Variants in ABCA3 observed in about 807,000 individuals in gnomAD.
ABCA3 encodes the protein ATP binding cassette subfamily A member 3.
ABCA3 carries 88 observed loss-of-function variants against 172.8 expected under a neutral mutation model. The ratio of observed to expected loss-of-function variants is 0.51; its 90% CI spans 0.43 to 0.61. The LOEUF (loss-of-function observed/expected upper bound fraction) is 0.61, where lower values mean the gene tolerates loss of function less well. Among genes scored for constraint, ABCA3 ranks in the 20% least tolerant of loss-of-function variants. The pLI, the probability that ABCA3 is intolerant of heterozygous loss-of-function variation, is 0.00. For synonymous variants in ABCA3, 1,066 were observed against 983.8 expected (o/e 1.08, Z -1.56); for missense variants, 2,164 against 2,301.0 (o/e 0.94, Z 1.22).
intron 18 of ABCA3, among the ~76,000 whole-genome samples, chr16:2,294,531 T>A (rs979574366): frequency 6.6e-6 from 1 of 150,830 alleles, no homozygotes; most frequent in Non-Finnish European, 1.5e-5. Flanking sequence ...ACAAAAAAAA[T>A]AAAAAAACTA....
intron 7 of ABCA3, 70 bp downstream of exon 7, chr16:2,323,453 G>A: frequency 6.3e-7 from 1 of 1,590,234 alleles, no homozygotes; most frequent in Non-Finnish European, 8.6e-7. Flanking sequence ...GCAAAGTGGG[G>A]CTGCCCCCAT....
chr16:2,321,926 G>T (rs1299396774), intron 7 of ABCA3, among the ~76,000 whole-genome samples: 1 of 152,220 alleles, frequency 6.6e-6, no homozygotes, highest in Non-Finnish European at 1.5e-5. Context: ...ACAGCCGGGT[G>T]TGGTGGCTCA....
chr16:2,306,182 C>T (rs1265015588), intron 11 of ABCA3, among the ~76,000 whole-genome samples: 1 of 151,964 alleles, frequency 6.6e-6, no homozygotes, highest in African/African-American at 2.4e-5. Context: ...ACAAATTAGC[C>T]AGGTGTGGTG....
chr16:2,280,318 C>G (rs904745176), intron 28 of ABCA3, among the ~76,000 whole-genome samples: 11 of 152,258 alleles, frequency 7.2e-5, no homozygotes, highest in Non-Finnish European at 1.6e-4. Context: ...GCTTGTCCCC[C>G]CATGGGGCCT....
rs113464635 is a variant in ABCA3, at chr16:2,285,733, C to T, written c.3279-87G>A. ...GGTTCTCGGTTATGACCGCCCAAGGCATGCAGGGCAGCAGCCCAACCACTA... is the reference window on the plus strand; with the variant it reads ...GGTTCTCGGTTATGACCGCCCAAGGTATGCAGGGCAGCAGCCCAACCACTA... On this transcript the variant is annotated intron_variant, in intron 22 of 32. Transcript: ENST00000301732. The surrounding 1 kb of genome is among the most constrained non-coding windows in gnomAD (Gnocchi z 4.7). 7.4e-7 allele frequency: 1 copy of T among 1,344,780 alleles called. No individual in the cohort carries two copies. The highest frequency in any genetic ancestry group is 1.3e-5 in the South Asian group (1 of 79,448). 83.3% of individuals were successfully genotyped at this position (1,344,780 alleles called of 1,614,324 possible).
At chr16:2,317,621 C>T (rs768324258) in intron 9 of ABCA3, 27 bp downstream of exon 9, 16 of 1,612,278 alleles carry the variant, frequency 9.9e-6, no homozygotes, top group African/African-American at 1.3e-5. Flanking sequence ...CCCGTCCTCA[C>T]CAGAGCCCCA....
Position 2,298,468 on chromosome 16 carries a change from C to A in ABCA3, c.1814G>T (p.Arg605Leu), listed in dbSNP as rs760006956. ...CTGCGGGCACAGGCCCAGGCTCTTC[C>A]GGATCTGAACCATGTCCTGGGAAAT... The part of the protein sequence containing the change: ...YEISQDMVQI[R>L]KSLGLCPQHD... The change falls in exon 15 of 33, where the codon CGG becomes CTG. Residue 605 changes from arginine to leucine, a missense_variant. Arg to Leu is a moderately radical substitution (Grantham distance 102). This residue lies in a region of ABCA3 where 1,343 missense variants were observed against 1,369.6 expected (regional missense o/e 0.98). Coordinates refer to ENST00000301732, the MANE Select transcript of ABCA3 (RefSeq NM_001089.3). The A allele has an allele frequency of 6.2e-7, 1 of 1,614,086 alleles. No individual in the cohort carries two copies. The highest frequency in any genetic ancestry group is 1.7e-5 in the Admixed American group (1 of 60,024).
chr16:2,332,349 A>G (rs185216792), intron 1 of ABCA3: 71 of 769,196 alleles, frequency 9.2e-5, no homozygotes, highest in Non-Finnish European at 1.4e-4. Context: ...CACAGGCACC[A>G]GGGCTTCTAA....
In ABCA3 at chr16:2,287,226, C is replaced by T. The variant is rs1359392433; in HGVS notation, c.3005-259G>A. 1.3e-5 allele frequency among the ~76,000 whole-genome samples: 2 copies of T among 152,132 alleles called. No individual in the cohort carries two copies. The highest frequency in any genetic ancestry group is 4.8e-5 in the African/African-American group (2 of 41,434). On this transcript the variant is annotated intron_variant, in intron 21 of 32. Transcript: ENST00000301732. The surrounding 1 kb of genome is among the most constrained non-coding windows in gnomAD (Gnocchi z 4.1). ...AAAACCTTCCAGTAGGTTCCATTAA[C>T]CAGAGCACGGTCCCTGTTCTGAGCC...
At chr16:2,324,746 C>G (rs918231373) in intron 5 of ABCA3, among the ~76,000 whole-genome samples, 1 of 152,180 alleles carries the variant, frequency 6.6e-6, no homozygotes, top group Non-Finnish European at 1.5e-5. Context: ...GCAGTGAGTT[C>G]TCCTGGTGCG....
chr16:2,280,928 G>T, intron 28 of ABCA3, 99 bp downstream of exon 28: 1 of 1,488,884 alleles, frequency 6.7e-7, no homozygotes, highest in Non-Finnish European at 9.3e-7. Flanking sequence ...CACAGATGCA[G>T]CAGCTGTTTG....
At chr16:2,310,743 A>C (rs932990248) in intron 10 of ABCA3, among the ~76,000 whole-genome samples, 1 of 150,678 alleles carries the variant, frequency 6.6e-6, no homozygotes, top group African/African-American at 2.4e-5. Flanking sequence ...CTGGGCTTGA[A>C]CTCCTGGGCA....
rs759710189 is a variant in ABCA3 at position 2,277,456 on chromosome 16, C to T, written c.4983+141G>A. On this transcript the variant is annotated intron_variant, in intron 32 of 32. Transcript: ENST00000301732. The surrounding 1 kb of genome is among the most constrained non-coding windows in gnomAD (Gnocchi z 5.3). ...TGGATATAAAACCCCCAAACCAGCA[C>T]GTATCAGGCTGAGTGTTAGGGGAGA... 50 of 859,770 alleles carry T rather than the reference C, an allele frequency of 5.8e-5. No homozygotes were observed. The highest frequency in any genetic ancestry group is 1.9e-4 in the Admixed American group (9 of 46,832). The allele number at this position is 859,770 out of a possible 1,614,324, so 53.3% of individuals were successfully genotyped here.
chr16:2,313,570 A>AAAG (rs1567349578), intron 10 of ABCA3, among the ~76,000 whole-genome samples: 33 of 150,548 alleles, frequency 2.2e-4, no homozygotes, highest in South Asian at 4.2e-4. Context: ...AAAAAAAAAA[A>AAAG]AAGAAGAAAG....
At chr16:2,307,645 A>C (rs527529686) in intron 11 of ABCA3, among the ~76,000 whole-genome samples, 2 of 151,964 alleles carry the variant, frequency 1.3e-5, no homozygotes, top group Non-Finnish European at 2.9e-5. Context: ...GAGTCTTGTC[A>C]CCCAGGCTGG....
rs1394631291 is a variant in ABCA3, at chr16:2,286,090, TG to T, written c.3279-445del. The stretch of plus-strand genomic sequence containing the variant: ...TTGGGGCAGGGATGGAGCCAGAAGC[TG>T]GGACGCAGCCATCGCCAGGCCTAGG... On this transcript the variant is annotated intron_variant, in intron 22 of 32. Transcript: ENST00000301732. This position sits in a 1 kb window ranked among gnomAD's most constrained non-coding sequence, Gnocchi z 5.2. 1.3e-5 allele frequency among the ~76,000 whole-genome samples: 2 copies of T among 152,272 alleles called. No homozygotes were observed. Among genetic ancestry groups the T allele is most frequent in the East Asian group, 3.9e-4 (2 of 5,172 alleles).
Position 2,310,511 on chromosome 16 carries a change from T to C in ABCA3, c.1112-1888A>G, listed in dbSNP as rs1038068269. ...AGCAGCAGTGGTTTTTCCAACTTTT[T>C]TTTCTTTCTTTTTTTTTTTTTCTGA... On this transcript the variant is annotated intron_variant, in intron 10 of 32. Transcript: ENST00000301732. Among the ~76,000 whole-genome samples the C allele has an allele frequency of 4.0e-5, 6 of 151,840 alleles. No individual in the cohort carries two copies. The South Asian group carries it at 6.2e-4, about 16-fold the overall frequency.
In ABCA3 at chr16:2,281,630, G is replaced by A. The variant is rs184205375; in HGVS notation, c.4036-121C>T. On this transcript the variant is annotated intron_variant, in intron 26 of 32. Coordinates refer to ENST00000301732, the MANE Select transcript of ABCA3 (RefSeq NM_001089.3). The surrounding 1 kb of genome is among the most constrained non-coding windows in gnomAD (Gnocchi z 4.7). The stretch of plus-strand genomic sequence containing the variant: ...GGGACTAAGGCCTTCAAGGCTTCTC[G>A]TCCCAATCTCAGGCCCCACAGGTGC... The A allele has an allele frequency of 8.0e-5, 103 of 1,285,674 alleles. No homozygotes were observed. In the South Asian group the frequency reaches 1.1e-3, roughly 13 times the overall value. The allele number at this position is 1,285,674 out of a possible 1,614,324, so 79.6% of individuals were successfully genotyped here.
At chr16:2,291,628 G>A (rs1334745428) in intron 19 of ABCA3, among the ~76,000 whole-genome samples, 1 of 152,182 alleles carries the variant, frequency 6.6e-6, no homozygotes, top group Non-Finnish European at 1.5e-5. Context: ...CACGTGTGCC[G>A]CCGTTTCCCA....
Sources: gnomAD v4.1 joint callset for allele counts (sites outside exome capture counted in the v4.1 genomes callset) on GRCh38, gnomAD v4.1.1 for gene constraint, gnomAD v4.1.1 regional missense constraint, Gnocchi (gnomAD v3.1) non-coding constraint, MANE v1.5 for transcripts, NCBI Gene and HGNC (gene_info 2026-07-23, HGNC 2026-07-21) for gene names.